Variants in TRABD2B observed in about 807,000 individuals in gnomAD.
TRABD2B encodes metalloprotease TIKI2.
A neutral mutation model predicts 40.1 loss-of-function variants in TRABD2B; 14 were observed. That is an observed-to-expected ratio of 0.35 (90% CI 0.23 to 0.55). The LOEUF is 0.55. Ranked by LOEUF, TRABD2B falls within the 20% of genes least tolerant of loss-of-function variation. The pLI is 0.90. For synonymous variants in TRABD2B, 263 were observed against 277.0 expected (o/e 0.95, Z 0.50); for missense variants, 541 against 648.6 (o/e 0.83, Z 1.80).
intron 6 of TRABD2B, among the ~76,000 whole-genome samples, chr1:47,770,178 G>T (rs75716854): frequency 0.041 from 6,256 of 152,218 alleles, 156 homozygotes; most frequent in Middle Eastern, 0.082. Flanking sequence ...TGAGGAGACC[G>T]GATTTGGGGC....
chr1:47,805,702 C>T (rs940385032), intron 2 of TRABD2B, among the ~76,000 whole-genome samples: 2 of 152,102 alleles, frequency 1.3e-5, no homozygotes, highest in African/African-American at 2.4e-5. Flanking sequence ...CATTCATTAC[C>T]AGGATTACGA....
At chr1:47,955,508 G>A (rs1645406762) in intron 2 of TRABD2B, among the ~76,000 whole-genome samples, 1 of 152,126 alleles carries the variant, frequency 6.6e-6, no homozygotes, top group Non-Finnish European at 1.5e-5. Context: ...TATCTCCTCA[G>A]TCTGATCTCA....
In TRABD2B at chr1:47,765,609, G is replaced by A; in HGVS notation, c.*293C>T. The stretch of plus-strand genomic sequence containing the variant: ...CCCGGGCCAGCACTAGGGCTAGGGG[G>A]TTATAACACAGGCCACATAAGAATA... On this transcript the variant is annotated 3_prime_UTR_variant, in exon 7 of 7. Transcript: ENST00000606738. 1 of 458,022 alleles carries A rather than the reference G, an allele frequency of 2.2e-6. No individual in the cohort carries two copies. The highest frequency in any genetic ancestry group is 4.0e-6 in the Non-Finnish European group (1 of 249,690). The allele number at this position is 458,022 out of a possible 1,614,324, so 28.4% of individuals were successfully genotyped here.
intron 6 of TRABD2B, among the ~76,000 whole-genome samples, chr1:47,767,063 CAG>C (rs1440144505): frequency 6.6e-6 from 1 of 152,080 alleles, no homozygotes; most frequent in Non-Finnish European, 1.5e-5. Context: ...AATGGACAGG[CAG>C]AGAGAGACAG....
intron 3 of TRABD2B, among the ~76,000 whole-genome samples, chr1:47,800,933 C>T (rs144111770): frequency 1.3e-5 from 2 of 152,260 alleles, no homozygotes; most frequent in Admixed American, 6.5e-5. Flanking sequence ...GTTGTAAGGT[C>T]CTTGAATGCT....
At chr1:47,884,141 A>C (rs1415726211) in intron 2 of TRABD2B, among the ~76,000 whole-genome samples, 1 of 152,244 alleles carries the variant, frequency 6.6e-6, no homozygotes, top group African/African-American at 2.4e-5. Flanking sequence ...GTCCATAAAT[A>C]GTCTGGTTCT....
At chr1:47,810,204 A>G (rs1644945885) in intron 2 of TRABD2B, among the ~76,000 whole-genome samples, 1 of 151,410 alleles carries the variant, frequency 6.6e-6, no homozygotes, top group Non-Finnish European at 1.5e-5. Context: ...TTTTATTATT[A>G]TTATTTTAAA....
At chr1:47,995,818 C>G (rs907222764) in intron 1 of TRABD2B, among the ~76,000 whole-genome samples, 10 of 152,182 alleles carry the variant, frequency 6.6e-5, no homozygotes, top group African/African-American at 2.4e-4. Flanking sequence ...GCCCAGTCAG[C>G]CAACGAGCTC....
chr1:47,952,528 A>T (rs1351912455), intron 2 of TRABD2B, among the ~76,000 whole-genome samples: 2 of 152,040 alleles, frequency 1.3e-5, no homozygotes, highest in East Asian at 1.9e-4. Flanking sequence ...TGTATCTAAG[A>T]CACCCTTTCT....
chr1:47,806,557 C>T (rs1644894645), intron 2 of TRABD2B, among the ~76,000 whole-genome samples: 1 of 152,218 alleles, frequency 6.6e-6, no homozygotes, highest in Admixed American at 6.5e-5. Context: ...GCCTCTCTCA[C>T]CCTGGATGGC....
chr1:47,963,762 T>C (rs1645557594), intron 2 of TRABD2B, among the ~76,000 whole-genome samples: 1 of 152,164 alleles, frequency 6.6e-6, no homozygotes, highest in Non-Finnish European at 1.5e-5. Flanking sequence ...CTGGCAACCG[T>C]CCTATGAAGT....
intron 3 of TRABD2B, among the ~76,000 whole-genome samples, chr1:47,796,180 A>G (rs1644745707): frequency 6.6e-6 from 1 of 152,150 alleles, no homozygotes; most frequent in Admixed American, 6.5e-5. Flanking sequence ...CAATATGCAC[A>G]TGGGGCTGTT....
chr1:47,925,752 G>A (rs1644960715), intron 2 of TRABD2B, among the ~76,000 whole-genome samples: 1 of 152,226 alleles, frequency 6.6e-6, no homozygotes, highest in Admixed American at 6.5e-5. Flanking sequence ...CATAGGCTAA[G>A]CAGTTTACAA....
At chr1:47,932,836 A>C (rs1557664820) in intron 2 of TRABD2B, among the ~76,000 whole-genome samples, 1 of 152,188 alleles carries the variant, frequency 6.6e-6, no homozygotes. Context: ...CAGGGCTGTC[A>C]GGAGGATCAT....
intron 2 of TRABD2B, among the ~76,000 whole-genome samples, chr1:47,908,205 A>T (rs1309757480): frequency 1.3e-5 from 2 of 152,220 alleles, no homozygotes; most frequent in Non-Finnish European, 2.9e-5. Context: ...CTATGTATTC[A>T]TCTATATGCA....
chr1:47,899,795 G>A (rs372354048), intron 2 of TRABD2B, among the ~76,000 whole-genome samples: 3 of 152,216 alleles, frequency 2.0e-5, no homozygotes, highest in East Asian at 3.9e-4. Flanking sequence ...CAGCCCCCAG[G>A]TCCCATGTTA....
chr1:47,875,533 A>G (rs1644210812), intron 2 of TRABD2B, among the ~76,000 whole-genome samples: 1 of 151,954 alleles, frequency 6.6e-6, no homozygotes, highest in Non-Finnish European at 1.5e-5. Context: ...CAAAACATAT[A>G]AAAATCAGCT....
At chr1:47,947,432 C>T (rs547404741) in intron 2 of TRABD2B, among the ~76,000 whole-genome samples, 5 of 152,136 alleles carry the variant, frequency 3.3e-5, no homozygotes, top group South Asian at 2.1e-4. Context: ...AGCATAATGG[C>T]GTCATTAACA....
At chr1:47,845,215 G>A (rs1570108982) in intron 2 of TRABD2B, among the ~76,000 whole-genome samples, 1 of 152,212 alleles carries the variant, frequency 6.6e-6, no homozygotes, top group East Asian at 1.9e-4. Flanking sequence ...TATGGAAAGA[G>A]CATGTCCGTT....
Sources: gnomAD v4.1 joint callset for allele counts (sites outside exome capture counted in the v4.1 genomes callset) on GRCh38, gnomAD v4.1.1 for gene constraint, MANE v1.5 for transcripts, NCBI Gene and HGNC (gene_info 2026-07-23, HGNC 2026-07-21) for gene names.